The following TRIM4 variants were observed in gnomAD, a reference collection of about 807,000 sequenced individuals.
The protein encoded by TRIM4 is E3 ubiquitin-protein ligase TRIM4.
In TRIM4, 29 loss-of-function variants were observed where a neutral mutation model predicts 33.7. The ratio of observed to expected loss-of-function variants is 0.86; its 90% CI spans 0.64 to 1.17. The LOEUF (loss-of-function observed/expected upper bound fraction) is 1.17, where lower values mean the gene tolerates loss of function less well. Among genes scored for constraint, TRIM4 ranks in the 50% most tolerant of loss-of-function variants. The probability of loss-of-function intolerance (pLI) is 0.00; values close to 1 mark genes in which losing one functional copy is unlikely to be tolerated. For synonymous variants in TRIM4, 224 were observed against 233.0 expected (o/e 0.96, Z 0.35); for missense variants, 554 against 593.7 (o/e 0.93, Z 0.69).
rs1818889963 is a variant in TRIM4, at chr7:99,891,372, C to G, written c.*791G>C. On this transcript the variant is annotated 3_prime_UTR_variant, in exon 6 of 6. Transcript: ENST00000349062. ...TCATATGCAACAGCATATGAAGAGG[C>G]TAGCAAAAGATATTTAACAAGCGTT... is the stretch of plus-strand genomic sequence containing the variant. 6.6e-6 allele frequency: 1 copy of G among 152,200 alleles called. No homozygotes were observed. The highest frequency in any genetic ancestry group is 6.5e-5 in the Admixed American group (1 of 15,278). The allele number at this position is 152,200 out of a possible 1,614,324, so 9.4% of individuals were successfully genotyped here.
rs538200725 is a variant in TRIM4, at chr7:99,905,929, G to A, written c.721-2331C>T. Among the ~76,000 whole-genome samples the A allele has an allele frequency of 1.8e-4, 28 of 152,268 alleles. No homozygotes were observed. In the South Asian group the frequency reaches 4.4e-3, roughly 24 times the overall value. ...CGAAGCCAAGGCAGGCGGATCACTC[G>A]AGGTCAGGAGTTCAAGACCAGCCTG... is the stretch of plus-strand genomic sequence containing the variant. On this transcript the variant is annotated intron_variant, in intron 3 of 5. Coordinates refer to ENST00000349062, the MANE Select transcript of TRIM4 (RefSeq NM_033091.3).
rs148827190 is a variant in TRIM4 at position 99,893,715 on chromosome 7, T to C, written c.842-969A>G. On this transcript the variant is annotated intron_variant, in intron 5 of 5. Transcript: ENST00000349062. ...CTAGTTAGTCACCAAGTCCTACCAATTCTACCTCTGAAATTTGTCACTCAG... is the reference window on the plus strand; with the variant it reads ...CTAGTTAGTCACCAAGTCCTACCAACTCTACCTCTGAAATTTGTCACTCAG... Among the ~76,000 whole-genome samples, 677 of 152,236 alleles carry C rather than the reference T, an allele frequency of 4.4e-3. 3 individuals are homozygous for C. The highest frequency in any genetic ancestry group is 0.015 in the African/African-American group (604 of 41,552).
intron 5 of TRIM4, among the ~76,000 whole-genome samples, chr7:99,893,154 T>G (rs950557857): frequency 3.9e-5 from 6 of 151,992 alleles, no homozygotes; most frequent in African/African-American, 1.2e-4. Context: ...GTAATCCCAG[T>G]TACTGGGGAG....
At chr7:99,912,727 T>G (rs1181194638) in intron 1 of TRIM4, among the ~76,000 whole-genome samples, 1 of 152,222 alleles carries the variant, frequency 6.6e-6, no homozygotes, top group East Asian at 1.9e-4. Context: ...GTGGGTACAC[T>G]GGTGTTACTA....
Position 99,907,718 on chromosome 7 carries a change from A to T in TRIM4, c.720+864T>A, listed in dbSNP as rs180859912. Among the ~76,000 whole-genome samples, 3 of 152,348 alleles carry T rather than the reference A, an allele frequency of 2.0e-5. No individual in the cohort carries two copies. In the East Asian group the frequency reaches 5.8e-4, roughly 29 times the overall value. ...TAGCTAGCAATTTCTTATTGATAATAACTACTGGGTGGGTCCAGGTTTCTG... is the reference window on the plus strand; with the variant it reads ...TAGCTAGCAATTTCTTATTGATAATTACTACTGGGTGGGTCCAGGTTTCTG... On this transcript the variant is annotated intron_variant, in intron 3 of 5. Coordinates refer to ENST00000349062, the MANE Select transcript of TRIM4 (RefSeq NM_033091.3).
chr7:99,899,786 C>T (rs1260039720), intron 5 of TRIM4, among the ~76,000 whole-genome samples: 2 of 151,880 alleles, frequency 1.3e-5, no homozygotes, highest in Non-Finnish European at 2.9e-5. Flanking sequence ...ATGCATGCAC[C>T]TGTGAGTTTT....
intron 1 of TRIM4, among the ~76,000 whole-genome samples, chr7:99,913,526 C>T (rs767050420): frequency 1.3e-5 from 2 of 151,970 alleles, no homozygotes; most frequent in Non-Finnish European, 2.9e-5. Context: ...AAAAAATTAG[C>T]CGGGCATGGT....
At chr7:99,901,153 G>A (rs1449914446) in intron 5 of TRIM4, 1 of 152,098 alleles carries the variant, frequency 6.6e-6, no homozygotes, top group Non-Finnish European at 1.5e-5. Context: ...TTCTGTGTAT[G>A]TTTCATTTTT....
Position 99,892,582 on chromosome 7 carries a change from T to A in TRIM4, c.1006A>T (p.Arg336Ter). The A allele has an allele frequency of 6.2e-7, 1 of 1,614,174 alleles. No homozygotes were observed. Among genetic ancestry groups the A allele is most frequent in the South Asian group, 1.1e-5 (1 of 91,074 alleles). ...AGAACACAGGGTAAGTGCTGAAATC[T>A]CTCTACAAAAGCAGTCTTCTGAGGA... ...RNPQKTAFVERFQHLPCVLGK... is the reference protein window; with the variant it reads ...RNPQKTAFVE Residue 336 changes from arginine to a stop codon, truncating the protein, a stop_gained, in exon 6 of 6, where the codon AGA (arginine) becomes TGA (stop). Transcript: ENST00000349062. LOFTEE classifies it low-confidence loss of function (END_TRUNC).
At chr7:99,894,653 C>A (rs1354983971) in intron 5 of TRIM4, among the ~76,000 whole-genome samples, 1 of 149,948 alleles carries the variant, frequency 6.7e-6, no homozygotes, top group Non-Finnish European at 1.5e-5. Context: ...GGCAACAGAC[C>A]AAGACTCCAT....
intron 5 of TRIM4, among the ~76,000 whole-genome samples, chr7:99,899,174 A>G (rs1188067960): frequency 2.0e-5 from 3 of 152,162 alleles, no homozygotes; most frequent in Non-Finnish European, 4.4e-5. Flanking sequence ...GAGCTAAAGA[A>G]TCCAGGAGTG....
intron 5 of TRIM4, among the ~76,000 whole-genome samples, chr7:99,897,497 A>C (rs1034016726): frequency 1.3e-5 from 2 of 152,204 alleles, no homozygotes; most frequent in African/African-American, 4.8e-5. Context: ...CCCTGATTTT[A>C]TCATTATGCA....
intron 1 of TRIM4, chr7:99,917,933 G>A (rs1819593267): frequency 1.2e-6 from 1 of 833,178 alleles, no homozygotes; most frequent in South Asian, 5.5e-5. Context: ...TGAAACAAAA[G>A]CAAGAAAGCC....
chr7:99,895,563 A>C (rs564337301), intron 5 of TRIM4, among the ~76,000 whole-genome samples: 1 of 152,352 alleles, frequency 6.6e-6, no homozygotes, highest in Non-Finnish European at 1.5e-5. Flanking sequence ...GATCAAGTTG[A>C]TTGATAATAT....
At chr7:99,902,450 T>C (rs1216072330) in intron 5 of TRIM4, among the ~76,000 whole-genome samples, 2 of 152,190 alleles carry the variant, frequency 1.3e-5, no homozygotes, top group Middle Eastern at 3.2e-3. Flanking sequence ...TTTCACCATG[T>C]TGGCCAGGCT....
chr7:99,894,291 C>T (rs1196687541), intron 5 of TRIM4, among the ~76,000 whole-genome samples: 2 of 152,082 alleles, frequency 1.3e-5, no homozygotes, highest in Admixed American at 6.6e-5. Flanking sequence ...GGGAAATATT[C>T]CCTCTTCATC....
At chr7:99,898,461 T>C (rs1312599040) in intron 5 of TRIM4, among the ~76,000 whole-genome samples, 3 of 152,212 alleles carry the variant, frequency 2.0e-5, no homozygotes, top group African/African-American at 7.2e-5. Context: ...TGCCCTCCCC[T>C]TGGGGATGGC....
chr7:99,914,243 G>T (rs146196299), intron 1 of TRIM4, among the ~76,000 whole-genome samples: 2 of 152,034 alleles, frequency 1.3e-5, no homozygotes, highest in African/African-American at 4.8e-5. Flanking sequence ...CTGCAGCCTC[G>T]AACTCCTGAG....
chr7:99,893,879 G>T (rs981824297), intron 5 of TRIM4, among the ~76,000 whole-genome samples: 1 of 151,234 alleles, frequency 6.6e-6, no homozygotes, highest in African/African-American at 2.4e-5. Context: ...TCTTGAGTTT[G>T]AGGACTTTTT....
Sources: gnomAD v4.1 joint callset for allele counts (sites outside exome capture counted in the v4.1 genomes callset) on GRCh38, gnomAD v4.1.1 for gene constraint, MANE v1.5 for transcripts, NCBI Gene and HGNC (gene_info 2026-07-23, HGNC 2026-07-21) for gene names.